The following FGF12 variants were observed in gnomAD, a reference collection of about 807,000 sequenced individuals.
The protein encoded by FGF12 is fibroblast growth factor 12B.
Under a neutral mutation model 23.6 loss-of-function variants are expected in FGF12, and 14 were observed. That is an observed-to-expected ratio of 0.59 (90% CI 0.39 to 0.93). FGF12 has a LOEUF of 0.93. FGF12 is among the 40% of genes least tolerant of loss of function. The probability of loss-of-function intolerance (pLI) is 0.00; values close to 1 mark genes in which losing one functional copy is unlikely to be tolerated. For missense variants in FGF12, 175 were observed against 217.8 expected (o/e 0.80, Z 1.24); for synonymous variants, 62 against 77.3 (o/e 0.80, Z 1.04).
chr3:192,480,442 G>A (rs1158036825), intron 2 of FGF12, among the ~76,000 whole-genome samples: 1 of 152,190 alleles, frequency 6.6e-6, no homozygotes, highest in Non-Finnish European at 1.5e-5. Flanking sequence ...ACTCATTGTA[G>A]AAATGGCATA....
chr3:192,221,106 C>T (rs1229201646), intron 4 of FGF12, among the ~76,000 whole-genome samples: 1 of 152,156 alleles, frequency 6.6e-6, no homozygotes, highest in African/African-American at 2.4e-5. Context: ...TGGCAGCTTG[C>T]CTACCTTTGG....
At chr3:192,158,332 C>CTTTCTTTCTTTCTTTCTTCTTTCTTTCTT (rs1459698854) in intron 5 of FGF12, among the ~76,000 whole-genome samples, 1 of 112,356 alleles carries the variant, frequency 8.9e-6, no homozygotes, top group African/African-American at 3.6e-5. Context: ...TTCTTTCTTT[C>CTTTCTTTCTTTCTTTCTTCTTTCTTTCTT]TCTTTCTTTC....
intron 2 of FGF12, among the ~76,000 whole-genome samples, chr3:192,579,456 G>A (rs1024939028): frequency 2.6e-5 from 4 of 152,158 alleles, no homozygotes; most frequent in Non-Finnish European, 5.9e-5. Context: ...TATTTGTTGG[G>A]GTAGGCACTT....
chr3:192,590,628 C>T (rs1158123578), intron 2 of FGF12, among the ~76,000 whole-genome samples: 3 of 151,942 alleles, frequency 2.0e-5, no homozygotes, highest in South Asian at 2.1e-4. Flanking sequence ...ATCTTTAAAA[C>T]GAATGACTTC....
chr3:192,556,995 T>C (rs1419975075), intron 2 of FGF12, among the ~76,000 whole-genome samples: 1 of 151,692 alleles, frequency 6.6e-6, no homozygotes, highest in Non-Finnish European at 1.5e-5. Context: ...AACTTAAAAA[T>C]ATTGCTAGAC....
chr3:192,683,643 C>T (rs373606890), intron 2 of FGF12, among the ~76,000 whole-genome samples: 31 of 152,228 alleles, frequency 2.0e-4, no homozygotes, highest in East Asian at 1.3e-3. Flanking sequence ...AAATTTTTTT[C>T]TAGGGGGCAG....
intron 2 of FGF12, among the ~76,000 whole-genome samples, chr3:192,540,060 T>C (rs2108575963): frequency 6.6e-6 from 1 of 152,118 alleles, no homozygotes; most frequent in Non-Finnish European, 1.5e-5. Flanking sequence ...TGGCCAAAGT[T>C]TTCTCAATTT....
At chr3:192,213,189 A>G (rs1363466898) in intron 4 of FGF12, among the ~76,000 whole-genome samples, 1 of 152,248 alleles carries the variant, frequency 6.6e-6, no homozygotes, top group African/African-American at 2.4e-5. Context: ...TGTCCCAGCA[A>G]GCGAGCGCCA....
At chr3:192,442,059 T>C (rs1378241381) in intron 2 of FGF12, among the ~76,000 whole-genome samples, 2 of 152,222 alleles carry the variant, frequency 1.3e-5, no homozygotes, top group Admixed American at 6.5e-5. Context: ...TAGAGCATTG[T>C]TGAGTGAGAC....
chr3:192,154,422 G>GT (rs1560169091), intron 5 of FGF12, among the ~76,000 whole-genome samples: 2 of 118,252 alleles, frequency 1.7e-5, no homozygotes, highest in African/African-American at 6.3e-5. Flanking sequence ...TTTCTGTTCT[G>GT]TTTTTTCCCC....
chr3:192,672,409 C>G (rs1035887629), intron 2 of FGF12, among the ~76,000 whole-genome samples: 1 of 150,894 alleles, frequency 6.6e-6, no homozygotes, highest in Non-Finnish European at 1.5e-5. Flanking sequence ...GATGAACACA[C>G]ATTAAAATTG....
intron 2 of FGF12, among the ~76,000 whole-genome samples, chr3:192,483,687 A>G (rs9860864): frequency 0.086 from 13,010 of 152,112 alleles, 1,853 homozygotes; most frequent in African/African-American, 0.29. Context: ...GTAGAAGTGT[A>G]GCTGAGGTGG....
chr3:192,315,475 G>A (rs1469178969), intron 4 of FGF12, among the ~76,000 whole-genome samples: 1 of 152,092 alleles, frequency 6.6e-6, no homozygotes, highest in African/African-American at 2.4e-5. Context: ...TGAAGGTTAT[G>A]AAAGTCCTGG....
At chr3:192,544,790 G>A (rs1725455664) in intron 2 of FGF12, among the ~76,000 whole-genome samples, 1 of 152,114 alleles carries the variant, frequency 6.6e-6, no homozygotes, top group Non-Finnish European at 1.5e-5. Flanking sequence ...CTCATTCCAG[G>A]TCTAGCCCAC....
intron 4 of FGF12, among the ~76,000 whole-genome samples, chr3:192,235,985 G>A (rs891702640): frequency 6.6e-6 from 1 of 152,122 alleles, no homozygotes; most frequent in African/African-American, 2.4e-5. Context: ...ACTGCTTGAT[G>A]TAGGCATTTC....
intron 5 of FGF12, among the ~76,000 whole-genome samples, chr3:192,163,595 C>G (rs1714994671): frequency 6.6e-6 from 1 of 152,150 alleles, no homozygotes; most frequent in Non-Finnish European, 1.5e-5. Context: ...ATCCCCTGGA[C>G]AGCGTTTTAA....
intron 2 of FGF12, among the ~76,000 whole-genome samples, chr3:192,394,056 A>G (rs1335202667): frequency 3.3e-5 from 5 of 152,176 alleles, no homozygotes; most frequent in Non-Finnish European, 7.4e-5. Context: ...GCAGTATGAC[A>G]TTACACATTA....
chr3:192,540,932 T>C (rs1052749413), intron 2 of FGF12, among the ~76,000 whole-genome samples: 1 of 151,846 alleles, frequency 6.6e-6, no homozygotes, highest in Non-Finnish European at 1.5e-5. Flanking sequence ...TGAAATCTAC[T>C]TTGTCTGATG....
intron 2 of FGF12, among the ~76,000 whole-genome samples, chr3:192,389,160 G>T (rs1057122711): frequency 6.6e-6 from 1 of 152,178 alleles, no homozygotes; most frequent in African/African-American, 2.4e-5. Context: ...AGGAGTTCCA[G>T]ACCAGCCTGG....
Sources: gnomAD v4.1 joint callset for allele counts (sites outside exome capture counted in the v4.1 genomes callset) on GRCh38, gnomAD v4.1.1 for gene constraint, MANE v1.5 for transcripts, NCBI Gene and HGNC (gene_info 2026-07-23, HGNC 2026-07-21) for gene names.